IGF2BP2: variants seen among roughly 807,000 people sequenced by gnomAD.
IGF2BP2 encodes the protein insulin-like growth factor 2 mRNA-binding protein 2.
Under a neutral mutation model 75.8 loss-of-function variants are expected in IGF2BP2, and 17 were observed. That is an observed-to-expected ratio of 0.22 (90% CI 0.15 to 0.34). The LOEUF (loss-of-function observed/expected upper bound fraction) is 0.34, where lower values mean the gene tolerates loss of function less well. IGF2BP2 is among the 10% of genes least tolerant of loss of function. IGF2BP2 has a pLI of 1.00. For missense variants in IGF2BP2, 516 were observed against 772.4 expected, an observed-to-expected ratio of 0.67 and a Z score of 3.93; for synonymous variants, 288 against 295.6, an observed-to-expected ratio of 0.97 and a Z score of 0.26.
chr3:185,768,468 G>T (rs1378435491), intron 2 of IGF2BP2, among the ~76,000 whole-genome samples: 1 of 152,108 alleles, frequency 6.6e-6, no homozygotes, highest in African/African-American at 2.4e-5. Flanking sequence ...ATAAAGAACT[G>T]CATGTTAACC....
At chr3:185,795,149 G>A (rs539352668) in intron 2 of IGF2BP2, among the ~76,000 whole-genome samples, 2 of 151,956 alleles carry the variant, frequency 1.3e-5, no homozygotes, top group Non-Finnish European at 2.9e-5. Flanking sequence ...CACCCACCTC[G>A]GCCTCCCAAA....
At chr3:185,822,939 AT>A (rs1184824598) in intron 2 of IGF2BP2, among the ~76,000 whole-genome samples, 3 of 152,022 alleles carry the variant, frequency 2.0e-5, no homozygotes, top group African/African-American at 7.3e-5. Flanking sequence ...CCGACCCCCA[AT>A]TAGGCACCAG....
At chr3:185,702,673 G>A (rs1723476072) in intron 2 of IGF2BP2, among the ~76,000 whole-genome samples, 1 of 151,816 alleles carries the variant, frequency 6.6e-6, no homozygotes, top group Admixed American at 6.6e-5. Flanking sequence ...TCCTCACCTG[G>A]CTGCCAGTCA....
intron 2 of IGF2BP2, among the ~76,000 whole-genome samples, chr3:185,698,646 T>A (rs1311992324): frequency 5.4e-5 from 8 of 148,892 alleles, no homozygotes; most frequent in South Asian, 2.2e-4. Context: ...CTGGGATTTT[T>A]AAGACAGAGT....
rs970947468 is a variant in IGF2BP2 at position 185,824,663 on chromosome 3, G to A, written c.178+120C>T. 8.0e-6 allele frequency: 5 copies of A among 623,100 alleles called. No individual in the cohort carries two copies. The East Asian group carries it at 1.7e-4, about 21-fold the overall frequency. 38.6% of individuals were successfully genotyped at this position (623,100 alleles called of 1,614,324 possible). On this transcript the variant is annotated intron_variant, in intron 1 of 15. Coordinates refer to ENST00000382199, the MANE Select transcript of IGF2BP2 (RefSeq NM_006548.6). ...AGAGTTGAGGGTCTGGTGCGTGGAA[G>A]TGAGCGTGCGGGCGCGGGAGCCGCC...
Position 185,689,176 on chromosome 3 carries a change from T to C in IGF2BP2, c.677+179A>G, listed in dbSNP as rs913540189. The C allele has an allele frequency of 2.5e-5, 16 of 642,188 alleles. No homozygotes were observed. In the South Asian group the frequency reaches 2.7e-4, roughly 11 times the overall value. 39.8% of individuals were successfully genotyped at this position (642,188 alleles called of 1,614,324 possible). On this transcript the variant is annotated intron_variant, in intron 6 of 15. Coordinates refer to ENST00000382199, the MANE Select transcript of IGF2BP2 (RefSeq NM_006548.6). ...ACTTTTAGCCTCTCAGCATGAAAGC[T>C]TGTCACAGCCCCCAGCTTGATGTTA... is the stretch of plus-strand genomic sequence containing the variant.
At chr3:185,646,827 G>C (rs1337084552) in intron 15 of IGF2BP2, 198 bp downstream of exon 15, 1 of 596,144 alleles carries the variant, frequency 1.7e-6, no homozygotes, top group African/African-American at 1.9e-5. Flanking sequence ...ATACCTCGGG[G>C]ATGACAGTGG....
At chr3:185,758,220 G>C (rs898986090) in intron 2 of IGF2BP2, among the ~76,000 whole-genome samples, 4 of 152,182 alleles carry the variant, frequency 2.6e-5, no homozygotes, top group Non-Finnish European at 5.9e-5. Context: ...ATGCCTTAGA[G>C]ACTTATAACC....
intron 2 of IGF2BP2, among the ~76,000 whole-genome samples, chr3:185,733,429 G>A (rs545157256): frequency 7.2e-4 from 110 of 152,276 alleles, no homozygotes; most frequent in African/African-American, 2.6e-3. Context: ...GGCAGACAAA[G>A]AAAGCCCTAT....
intron 2 of IGF2BP2, among the ~76,000 whole-genome samples, chr3:185,771,705 T>C (rs1266985554): frequency 6.6e-6 from 1 of 152,196 alleles, no homozygotes; most frequent in East Asian, 1.9e-4. Context: ...TATGGTCTCA[T>C]TTTTCCTTAC....
intron 10 of IGF2BP2, among the ~76,000 whole-genome samples, chr3:185,667,800 G>A (rs979239427): frequency 2.6e-5 from 4 of 152,090 alleles, no homozygotes; most frequent in African/African-American, 4.8e-5. Flanking sequence ...GCAGATAATC[G>A]TGTTTTTTAC....
At chr3:185,746,447 G>T (rs143302229) in intron 2 of IGF2BP2, among the ~76,000 whole-genome samples, 1 of 152,144 alleles carries the variant, frequency 6.6e-6, no homozygotes, top group Non-Finnish European at 1.5e-5. Context: ...AAGCAGGGAC[G>T]GATCTACTTA....
chr3:185,651,370 T>C (rs543978570), intron 13 of IGF2BP2, among the ~76,000 whole-genome samples: 1 of 152,230 alleles, frequency 6.6e-6, no homozygotes, highest in South Asian at 2.1e-4. Flanking sequence ...TACTGTTTTT[T>C]GTTATCTTTT....
At chr3:185,800,718 A>AAAAGAAAG (rs1553893939) in intron 2 of IGF2BP2, among the ~76,000 whole-genome samples, 11 of 143,290 alleles carry the variant, frequency 7.7e-5, no homozygotes, top group African/African-American at 2.7e-4. Flanking sequence ...GAGCCAAAAA[A>AAAAGAAAG]AAAGAAAGAA....
At chr3:185,762,866 C>T (rs1732565730) in intron 2 of IGF2BP2, among the ~76,000 whole-genome samples, 1 of 152,142 alleles carries the variant, frequency 6.6e-6, no homozygotes, top group Admixed American at 6.5e-5. Context: ...GCTATTCTCA[C>T]CCCCACCAAA....
intron 2 of IGF2BP2, among the ~76,000 whole-genome samples, chr3:185,769,592 T>C (rs1441575335): frequency 6.6e-6 from 1 of 151,792 alleles, no homozygotes; most frequent in African/African-American, 2.4e-5. Flanking sequence ...ATCCCAACAC[T>C]TTTGGAGGTT....
intron 2 of IGF2BP2, among the ~76,000 whole-genome samples, chr3:185,705,586 T>C (rs1723911911): frequency 6.6e-6 from 1 of 152,008 alleles, no homozygotes; most frequent in South Asian, 2.1e-4. Context: ...AATCACTTAA[T>C]ATGATGTATC....
At chr3:185,711,045 C>G (rs1724724908) in intron 2 of IGF2BP2, among the ~76,000 whole-genome samples, 1 of 152,110 alleles carries the variant, frequency 6.6e-6, no homozygotes, top group East Asian at 1.9e-4. Flanking sequence ...ACTTTAAAAA[C>G]AGATGAACAA....
At chr3:185,660,714 G>A (rs1046156116) in intron 10 of IGF2BP2, among the ~76,000 whole-genome samples, 11 of 152,164 alleles carry the variant, frequency 7.2e-5, no homozygotes, top group Non-Finnish European at 1.6e-4. Flanking sequence ...AGGACCCCCT[G>A]GAAAGAACAT....
Sources: gnomAD v4.1 joint callset for allele counts (sites outside exome capture counted in the v4.1 genomes callset) on GRCh38, gnomAD v4.1.1 for gene constraint, MANE v1.5 for transcripts, NCBI Gene and HGNC (gene_info 2026-07-23, HGNC 2026-07-21) for gene names.